The following AATK variants were observed in gnomAD, a reference collection of about 807,000 sequenced individuals.
The protein encoded by AATK is serine/threonine-protein kinase LMTK1.
In AATK, 91 loss-of-function variants were observed where a neutral mutation model predicts 114.3. That is an observed-to-expected ratio of 0.80 (90% CI 0.67 to 0.95). AATK has a LOEUF of 0.95. Ranked by LOEUF, AATK falls within the 40% of genes least tolerant of loss-of-function variation. The probability of loss-of-function intolerance (pLI) is 0.00; values close to 1 mark genes in which losing one functional copy is unlikely to be tolerated. For synonymous variants in AATK, 1,075 were observed against 916.5 expected (o/e 1.17, Z -3.12); for missense variants, 2,176 against 1,965.2 (o/e 1.11, Z -2.03).
At chr17:81,125,215 T>C (rs1229856607) in intron 7 of AATK, 2 of 676,388 alleles carry the variant, frequency 3.0e-6, no homozygotes, top group Non-Finnish European at 2.8e-6. Flanking sequence ...AGGGCCCTAC[T>C]CTGTGCCCAA....
chr17:81,119,649 TCACGGGCCCAGGCCCCGC>T, intron 12 of AATK, 69 bp from the exon 13 acceptor site: 2 of 554,130 alleles, frequency 3.6e-6, no homozygotes, highest in Non-Finnish European at 4.9e-6. Flanking sequence ...GCTCCCACAG[TCACGGGCCCAGGCCCCGC>T]CTCCCATCAT....
Position 81,131,162 on chromosome 17 carries a change from G to A in AATK, c.233C>T (p.Ala78Val), listed in dbSNP as rs750474216. The A allele has an allele frequency of 1.9e-5, 30 of 1,578,266 alleles. No homozygotes were observed. Among genetic ancestry groups the A allele is most frequent in the East Asian group, 7.0e-5 (3 of 42,928 alleles). ...AEGDEYAADL[A>V]QGSPATAAQN... ...TGCTGCCGTGGCCGGGGAGCCCTGC[G>A]CCAGGTCGGCTGCGTACTCGTCCCC... The change falls in exon 3 of 14, where the codon GCG becomes GTG. Residue 78 changes from alanine to valine, a missense_variant. Physicochemically the swap from Ala to Val is moderately conservative, Grantham distance 64. This residue lies in a region of AATK where 178 missense variants were observed against 175.4 expected (regional missense o/e 1.01). Transcript: ENST00000326724.
intron 1 of AATK, among the ~76,000 whole-genome samples, chr17:81,145,245 A>AAAAAG (rs1567822430): frequency 6.8e-5 from 9 of 132,474 alleles, no homozygotes; most frequent in Non-Finnish European, 1.3e-4. Context: ...AAAAAAAAAA[A>AAAAAG]AAAAAGAAAA....
Position 81,117,431 on chromosome 17 carries a change from A to ATAAC in AATK, c.*967_*970dup, listed in dbSNP as rs1490767874. 1 of 152,428 alleles carries ATAAC rather than the reference A, an allele frequency of 6.6e-6. No individual in the cohort carries two copies. Among genetic ancestry groups the ATAAC allele is most frequent in the East Asian group, 1.9e-4 (1 of 5,192 alleles). The allele number at this position is 152,428 out of a possible 1,614,324, so 9.4% of individuals were successfully genotyped here. A position where few individuals can be genotyped will look rare whatever the true frequency, so the allele number is the denominator to read the frequency against. On this transcript the variant is annotated 3_prime_UTR_variant, in exon 14 of 14. Coordinates refer to ENST00000326724, the MANE Select transcript of AATK (RefSeq NM_001080395.3). ...TAAACTTTACATCTCTTTGGCAACA[A>ATAAC]TAACTTAAAATCACCCAACTTCCAT... is the stretch of plus-strand genomic sequence containing the variant.
chr17:81,131,246 C>G (rs763781596), intron 2 of AATK, 41 bp from the exon 3 acceptor site: 14 of 1,535,424 alleles, frequency 9.1e-6, no homozygotes, highest in Non-Finnish European at 1.2e-5. Flanking sequence ...TCTCGCAGGT[C>G]AAGGAAGGGT....
intron 1 of AATK, among the ~76,000 whole-genome samples, chr17:81,139,706 G>A (rs1021661429): frequency 6.6e-6 from 1 of 152,226 alleles, no homozygotes; most frequent in African/African-American, 2.4e-5. Flanking sequence ...GGTGACCCCT[G>A]CTGATGCCCC....
intron 1 of AATK, among the ~76,000 whole-genome samples, chr17:81,153,939 C>T (rs979006762): frequency 2.0e-5 from 3 of 152,048 alleles, no homozygotes; most frequent in Non-Finnish European, 2.9e-5. Context: ...AGCGTGGTGG[C>T]GGGCACCTGT....
At position 81,120,012 on chromosome 17, in the gene AATK, C is replaced by T. The variant is rs766089346; in HGVS notation, c.3807G>A (p.Gly1269=). The change falls in exon 12 of 14, where the codon GGG becomes GGA. Residue 1269 remains glycine, a synonymous_variant. Coordinates refer to ENST00000326724, the MANE Select transcript of AATK (RefSeq NM_001080395.3). ...AKESPPTFLR[G]SPGSPSAPNR... ...TGGGGGCGCTGGGAGAGCCGGGGCT[C>T]CCCCTAAGGAACGTAGGGGGCGATT... is the stretch of plus-strand genomic sequence containing the variant. 1.2e-5 allele frequency: 17 copies of T among 1,447,804 alleles called. No homozygotes were observed. The African/African-American group carries it at 2.2e-4, about 19-fold the overall frequency. The allele number at this position is 1,447,804 out of a possible 1,614,324, so 89.7% of individuals were successfully genotyped here. A position where few individuals can be genotyped will look rare whatever the true frequency, so the allele number is the denominator to read the frequency against.
rs751911292 is a variant in AATK at position 81,121,873 on chromosome 17, CTGT to C, written c.2060_2062del (p.Asn687del). 1.6e-4 allele frequency: 253 copies of C among 1,599,224 alleles called. No homozygotes were observed. The highest frequency in any genetic ancestry group is 6.6e-4 in the Middle Eastern group (4 of 6,050). On this transcript the variant is annotated inframe_deletion, in exon 11 of 14. Coordinates refer to ENST00000326724, the MANE Select transcript of AATK (RefSeq NM_001080395.3). The stretch of plus-strand genomic sequence containing the variant: ...CCAGGACTCTGGACAGCGGCTGCCG[CTGT>C]TGTTGTTGGCTGACACGTTGGAGCG...
At chr17:81,152,676 C>G (rs977712765) in intron 1 of AATK, among the ~76,000 whole-genome samples, 2 of 152,134 alleles carry the variant, frequency 1.3e-5, no homozygotes, top group Non-Finnish European at 2.9e-5. Context: ...CTTGCTGACA[C>G]CAATACTCCT....
At chr17:81,146,176 G>A (rs983950443) in intron 1 of AATK, among the ~76,000 whole-genome samples, 15 of 144,474 alleles carry the variant, frequency 1.0e-4, no homozygotes, top group African/African-American at 2.5e-4. Context: ...GCAAGAGAGC[G>A]AGACTCCATA....
intron 1 of AATK, among the ~76,000 whole-genome samples, chr17:81,149,597 T>A (rs1433790853): frequency 6.6e-6 from 1 of 151,930 alleles, no homozygotes; most frequent in Non-Finnish European, 1.5e-5. Context: ...CTGACCTAGA[T>A]CACAGCCACT....
At chr17:81,137,590 C>G (rs1482301016) in intron 1 of AATK, among the ~76,000 whole-genome samples, 1 of 152,154 alleles carries the variant, frequency 6.6e-6, no homozygotes, top group Non-Finnish European at 1.5e-5. Context: ...AGACCAGGCT[C>G]TGACCCCAGA....
chr17:81,131,307 A>G, intron 2 of AATK, 102 bp from the exon 3 acceptor site: 4 of 1,411,806 alleles, frequency 2.8e-6, no homozygotes, highest in Non-Finnish European at 2.8e-6. Flanking sequence ...CTCCCAGGGC[A>G]GGGCAGGAGG....
At position 81,127,836 on chromosome 17, in the gene AATK, G is replaced by T; in HGVS notation, c.489C>A (p.Ser163Arg). The T allele has an allele frequency of 6.5e-7, 1 of 1,544,476 alleles. No homozygotes were observed. Among genetic ancestry groups the T allele is most frequent in the Non-Finnish European group, 8.8e-7 (1 of 1,142,744 alleles). Residue 163 changes from serine (S) to arginine (R), a missense_variant, in exon 5 of 14, where the codon AGC becomes AGA. Ser to Arg is a moderately radical substitution (Grantham distance 110). Coordinates refer to ENST00000326724, the MANE Select transcript of AATK (RefSeq NM_001080395.3). ...CCAGGAACTGCATCTGCTCCTGCAC[G>T]CTGGCACTAGCCTGCAGCTCCTTCA... ...VVVKELQASA[S>R]VQEQMQFLEE...
chr17:81,123,634 C>T (rs1363529227), intron 9 of AATK, among the ~76,000 whole-genome samples: 2 of 152,126 alleles, frequency 1.3e-5, no homozygotes, highest in African/African-American at 4.8e-5. Flanking sequence ...GCACTGAAGA[C>T]CAGACACTGC....
At chr17:81,127,479 G>C (rs978176418) in intron 6 of AATK, 104 bp downstream of exon 6, 1 of 1,169,562 alleles carries the variant, frequency 8.6e-7, no homozygotes, top group African/African-American at 1.5e-5. Flanking sequence ...TGGCTTTAGG[G>C]AGGATGTGAG....
intron 3 of AATK, chr17:81,128,904 G>A (rs2060888695): frequency 2.6e-6 from 3 of 1,144,972 alleles, no homozygotes; most frequent in Admixed American, 3.8e-5. Flanking sequence ...AGAGGCTGGG[G>A]CCACGGCACA....
Position 81,119,432 on chromosome 17 carries a change from C to T in AATK, c.4032G>A (p.Thr1344=). 2.0e-6 allele frequency: 3 copies of T among 1,524,956 alleles called. 1 individual carries two copies. Among genetic ancestry groups the T allele is most frequent in the Non-Finnish European group, 1.7e-6 (2 of 1,143,136 alleles). The allele number at this position is 1,524,956 out of a possible 1,614,324, so 94.5% of individuals were successfully genotyped here. A position where few individuals can be genotyped will look rare whatever the true frequency, so the allele number is the denominator to read the frequency against. Residue 1344 remains threonine (T), a synonymous_variant, in exon 13 of 14, where the codon ACG becomes ACA. Coordinates refer to ENST00000326724, the MANE Select transcript of AATK (RefSeq NM_001080395.3). ...FSRFTVSPAP[T]SRFSITHVSD... ...ACACGTGCGTGATGGAGAAGCGGGA[C>T]GTGGGCGCGGGCGACACCGTGAAGC...
Sources: gnomAD v4.1 joint callset for allele counts (sites outside exome capture counted in the v4.1 genomes callset) on GRCh38, gnomAD v4.1.1 for gene constraint, gnomAD v4.1.1 regional missense constraint, MANE v1.5 for transcripts, NCBI Gene and HGNC (gene_info 2026-07-23, HGNC 2026-07-21) for gene names.